NEGR1: variants seen among roughly 807,000 people sequenced by gnomAD.
NEGR1 encodes IgLON family member 4.
Under a neutral mutation model 40.9 loss-of-function variants are expected in NEGR1, and 10 were observed. That is an observed-to-expected ratio of 0.24 (90% CI 0.15 to 0.42). The LOEUF (loss-of-function observed/expected upper bound fraction) is 0.42. NEGR1 is among the 10% of genes least tolerant of loss of function. The pLI is 1.00. For synonymous variants in NEGR1, 185 were observed against 166.8 expected, an observed-to-expected ratio of 1.11 and a Z score of -0.84; for missense variants, 352 against 438.9, an observed-to-expected ratio of 0.80 and a Z score of 1.77.
At chr1:71,973,813 G>A (rs775662677) in intron 1 of NEGR1, among the ~76,000 whole-genome samples, 1 of 152,154 alleles carries the variant, frequency 6.6e-6, no homozygotes, top group Non-Finnish European at 1.5e-5. Context: ...AGGCTGCCTG[G>A]CTTCAGTGTT....
chr1:71,997,594 G>A (rs1182842653), intron 1 of NEGR1, among the ~76,000 whole-genome samples: 2 of 151,750 alleles, frequency 1.3e-5, no homozygotes, highest in African/African-American at 4.8e-5. Context: ...GAACTTCCTG[G>A]CGACAGAAAC....
At chr1:71,977,141 G>T (rs1056324898) in intron 1 of NEGR1, among the ~76,000 whole-genome samples, 4 of 152,046 alleles carry the variant, frequency 2.6e-5, no homozygotes, top group Non-Finnish European at 5.9e-5. Context: ...TGGCCAACAT[G>T]GTGAAACCCT....
intron 6 of NEGR1, among the ~76,000 whole-genome samples, chr1:71,496,710 T>G (rs1266971168): frequency 6.6e-6 from 1 of 152,094 alleles, no homozygotes; most frequent in African/African-American, 2.4e-5. Context: ...GATGTTTGAT[T>G]ATCTCTTGTT....
intron 6 of NEGR1, among the ~76,000 whole-genome samples, chr1:71,533,899 G>A (rs1162490193): frequency 6.6e-6 from 1 of 151,646 alleles, no homozygotes; most frequent in Non-Finnish European, 1.5e-5. Flanking sequence ...AAACTCTAAT[G>A]TAGTAGCCTG....
intron 3 of NEGR1, among the ~76,000 whole-genome samples, chr1:71,766,527 A>C (rs1656139021): frequency 6.6e-6 from 1 of 152,240 alleles, no homozygotes; most frequent in South Asian, 2.1e-4. Context: ...ATTAATAAAA[A>C]CCACCAGGCT....
intron 2 of NEGR1, among the ~76,000 whole-genome samples, chr1:71,886,171 C>T (rs1660716863): frequency 6.6e-6 from 1 of 152,080 alleles, no homozygotes; most frequent in South Asian, 2.1e-4. Context: ...AAAACTATAA[C>T]AAAAGGGCTT....
intron 1 of NEGR1, among the ~76,000 whole-genome samples, chr1:72,023,981 CATT>C (rs944118061): frequency 9.2e-4 from 140 of 152,188 alleles, no homozygotes; most frequent in African/African-American, 3.3e-3. Context: ...CTTTTACCAT[CATT>C]ATATTAAGAA....
At chr1:71,687,895 A>G (rs1197836781) in intron 4 of NEGR1, among the ~76,000 whole-genome samples, 1 of 152,202 alleles carries the variant, frequency 6.6e-6, no homozygotes, top group Non-Finnish European at 1.5e-5. Context: ...TAGCCCTTCC[A>G]TGAATTCCAT....
chr1:71,839,239 T>C (rs919659266), intron 2 of NEGR1, among the ~76,000 whole-genome samples: 9 of 142,444 alleles, frequency 6.3e-5, no homozygotes, highest in Non-Finnish European at 1.4e-4. Context: ...AGTCTCACTC[T>C]GTCAGCCAGG....
At chr1:71,805,414 C>T (rs906817829) in intron 2 of NEGR1, among the ~76,000 whole-genome samples, 1 of 152,006 alleles carries the variant, frequency 6.6e-6, no homozygotes, top group Non-Finnish European at 1.5e-5. Context: ...TGTGATGTCT[C>T]CCCCGGACAC....
At chr1:71,681,573 C>T (rs769781607) in intron 4 of NEGR1, among the ~76,000 whole-genome samples, 16 of 151,986 alleles carry the variant, frequency 1.1e-4, no homozygotes, top group East Asian at 1.9e-4. Flanking sequence ...TATATTTGTG[C>T]GTATCTTTTT....
intron 5 of NEGR1, among the ~76,000 whole-genome samples, chr1:71,597,468 CTCTCTGTGTG>C (rs1163415266): frequency 1.8e-4 from 4 of 22,224 alleles, no homozygotes; most frequent in Non-Finnish European, 8.3e-4. Context: ...CTCTCTCTCT[CTCTCTGTGTG>C]TGTGTGTGTG....
chr1:72,197,762 A>C (rs1441953989), intron 1 of NEGR1, among the ~76,000 whole-genome samples: 1 of 152,080 alleles, frequency 6.6e-6, no homozygotes, highest in African/African-American at 2.4e-5. Flanking sequence ...GACCCTAGCA[A>C]AGGAATAAAT....
At chr1:71,868,473 T>TAG (rs1557682670) in intron 2 of NEGR1, among the ~76,000 whole-genome samples, 106 of 50,928 alleles carry the variant, frequency 2.1e-3, no homozygotes, top group African/African-American at 0.011. Flanking sequence ...ATAGACAGAA[T>TAG]ACATACATAC....
At chr1:71,935,388 T>C (rs1197446090) in intron 1 of NEGR1, 77 bp from the exon 2 acceptor site, 21 of 1,021,008 alleles carry the variant, frequency 2.1e-5, no homozygotes, top group Non-Finnish European at 2.9e-5. Context: ...TGAGTGTTTT[T>C]TTCTTTTGCT....
intron 6 of NEGR1, among the ~76,000 whole-genome samples, chr1:71,494,098 GAGGTGACCTCT>G (rs897620983): frequency 1.9e-4 from 29 of 152,284 alleles, no homozygotes; most frequent in African/African-American, 6.7e-4. Flanking sequence ...CAGCTACTGG[GAGGTGACCTCT>G]AGGTTCCTGC....
chr1:71,560,346 G>A (rs1361148308), intron 6 of NEGR1, among the ~76,000 whole-genome samples: 1 of 147,846 alleles, frequency 6.8e-6, no homozygotes, highest in Non-Finnish European at 1.5e-5. Context: ...GAAATCCTTT[G>A]GTGCTATCAG....
intron 5 of NEGR1, among the ~76,000 whole-genome samples, chr1:71,608,308 T>A (rs1650132939): frequency 6.6e-6 from 1 of 152,114 alleles, no homozygotes; most frequent in African/African-American, 2.4e-5. Flanking sequence ...AGGACATTGA[T>A]TGGGGAAAAT....
intron 3 of NEGR1, among the ~76,000 whole-genome samples, chr1:71,741,891 C>A (rs1655224150): frequency 6.6e-6 from 1 of 152,078 alleles, no homozygotes; most frequent in Non-Finnish European, 1.5e-5. Context: ...AGCCAGATCT[C>A]ATGAGAAGTC....
Sources: allele counts gnomAD v4.1 joint callset (sites outside exome capture counted in the v4.1 genomes callset), GRCh38; gene constraint gnomAD v4.1.1; transcripts MANE v1.5; gene names NCBI Gene and HGNC (gene_info 2026-07-23, HGNC 2026-07-21).